COL20A1: variants seen among roughly 807,000 people sequenced by gnomAD.
COL20A1 encodes collagen alpha-1(XX) chain.
A neutral mutation model predicts 152.9 loss-of-function variants in COL20A1; 164 were observed. The ratio of observed to expected loss-of-function variants is 1.07; its 90% CI spans 0.94 to 1.22. The LOEUF is 1.22. COL20A1 is among the 50% of genes most tolerant of loss of function. COL20A1 has a pLI of 0.00. For synonymous variants in COL20A1, 864 were observed against 756.0 expected (o/e 1.14, Z -2.34); for missense variants, 1,873 against 1,744.8 (o/e 1.07, Z -1.31).
intron 2 of COL20A1, 37 bp downstream of exon 2, chr20:63,295,226 G>T: frequency 1.4e-6 from 2 of 1,433,078 alleles, no homozygotes; most frequent in Non-Finnish European, 1.9e-6. Flanking sequence ...CTTGCCCCGA[G>T]GCCACGCCTG....
At chr20:63,316,524 G>A (rs781439401) in intron 20 of COL20A1, 29 bp from the exon 21 acceptor site, 43 of 1,568,502 alleles carry the variant, frequency 2.7e-5, no homozygotes, top group Middle Eastern at 1.7e-4. Flanking sequence ...AGGGTCCCTC[G>A]GTGCCCCTTC....
intron 21 of COL20A1, among the ~76,000 whole-genome samples, chr20:63,317,049 A>G (rs1361446178): frequency 1.3e-5 from 2 of 152,188 alleles, no homozygotes; most frequent in Non-Finnish European, 2.9e-5. Context: ...GGAAGCGATC[A>G]CTCAAATAGC....
At position 63,313,368 on chromosome 20, in the gene COL20A1, C is replaced by A. The variant is rs1051388711; in HGVS notation, c.2209+119C>A. On this transcript the variant is annotated intron_variant, in intron 17 of 35. Coordinates refer to ENST00000358894, the MANE Select transcript of COL20A1 (RefSeq NM_020882.4). The surrounding 1 kb of genome is among the most constrained non-coding windows in gnomAD (Gnocchi z 5.9). ...ACTCCCAGAACTGCTGGCTCCAGAGCCCTGATCACTGGGCCTGGTCGTTGG... is the reference window on the plus strand; with the variant it reads ...ACTCCCAGAACTGCTGGCTCCAGAGACCTGATCACTGGGCCTGGTCGTTGG... The A allele has an allele frequency of 4.3e-5, 49 of 1,138,044 alleles. No individual in the cohort carries two copies. In the African/African-American group the frequency reaches 6.5e-4, roughly 15 times the overall value. The allele number at this position is 1,138,044 out of a possible 1,614,324, so 70.5% of individuals were successfully genotyped here.
chr20:63,312,511 G>A lies in COL20A1; in HGVS notation c.1895G>A (p.Gly632Glu), dbSNP rs781256956. ...YTVRVTCLYPGGGSSTLTGRV... is the reference protein window; with the variant it reads ...YTVRVTCLYPEGGSSTLTGRV... Reference sequence around the variant, plus strand: ...GTCCGTGTCACCTGCCTCTACCCTGGGGGTGGCTCCTCTACGCTGACTGGC... The same window carrying A: ...GTCCGTGTCACCTGCCTCTACCCTGAGGGTGGCTCCTCTACGCTGACTGGC... The change falls in exon 15 of 36, where the codon GGG (glycine) becomes GAG (glutamate). Residue 632 changes from glycine (G) to glutamate (E), a missense_variant. Physicochemically the swap from Gly to Glu is moderately conservative, Grantham distance 98. Coordinates refer to ENST00000358894, the MANE Select transcript of COL20A1 (RefSeq NM_020882.4). 1.0e-5 allele frequency: 16 copies of A among 1,607,800 alleles called. No individual in the cohort carries two copies. In the South Asian group the frequency reaches 1.4e-4, roughly 14 times the overall value.
At chr20:63,316,983 A>G (rs62208785) in intron 21 of COL20A1, among the ~76,000 whole-genome samples, 401 of 152,314 alleles carry the variant, frequency 2.6e-3, no homozygotes, top group Non-Finnish European at 4.8e-3. Context: ...TCAAACACGC[A>G]GGAGCCCCAG....
chr20:63,310,903 C>T (rs2067996395), intron 11 of COL20A1, among the ~76,000 whole-genome samples: 1 of 152,124 alleles, frequency 6.6e-6, no homozygotes, highest in Admixed American at 6.5e-5. Context: ...ACCATACAAC[C>T]TGCCCATTTA....
At position 63,306,879 on chromosome 20, in the gene COL20A1, C is replaced by T. The variant is rs1421101033; in HGVS notation, c.497-611C>T. The stretch of plus-strand genomic sequence containing the variant: ...CTCGGGTCCGCTGCTGTCCTCCCCT[C>T]AGGGTGCTGGGCTCTGCTGGGTCCC... On this transcript the variant is annotated intron_variant, in intron 5 of 35. Transcript: ENST00000358894. The surrounding 1 kb of genome is among the most constrained non-coding windows in gnomAD (Gnocchi z 6.9). Among the ~76,000 whole-genome samples the T allele has an allele frequency of 1.3e-5, 2 of 152,194 alleles. No individual in the cohort carries two copies. The highest frequency in any genetic ancestry group is 2.4e-5 in the African/African-American group (1 of 41,454).
In COL20A1 at chr20:63,305,171, C is replaced by T. The variant is rs1400589309; in HGVS notation, c.194-246C>T. Among the ~76,000 whole-genome samples, 1 of 152,082 alleles carries T rather than the reference C, an allele frequency of 6.6e-6. No homozygotes were observed. Among genetic ancestry groups the T allele is most frequent in the Non-Finnish European group, 1.5e-5 (1 of 68,018 alleles). The stretch of plus-strand genomic sequence containing the variant: ...GATGGCTTCTCACCTCACCATGCGG[C>T]GGATTCCTCTAGGGGGGTTTAGTAA... On this transcript the variant is annotated intron_variant, in intron 3 of 35. Transcript: ENST00000358894. The surrounding 1 kb of genome is among the most constrained non-coding windows in gnomAD (Gnocchi z 4.9).
In COL20A1 at chr20:63,311,554, G is replaced by C. The variant is rs193210053; in HGVS notation, c.1539+15G>C. On this transcript the variant is annotated intron_variant, in intron 12 of 35. Transcript: ENST00000358894. This position sits in a 1 kb window ranked among gnomAD's most constrained non-coding sequence, Gnocchi z 4.4. Reference sequence around the variant, plus strand: ...AGGAGCGAGAGGTGAGCTGGGCCGGGGGGTGGCGGGGGAGGCAGAGGAGTG... The same window carrying C: ...AGGAGCGAGAGGTGAGCTGGGCCGGCGGGTGGCGGGGGAGGCAGAGGAGTG... 6.6e-5 allele frequency: 106 copies of C among 1,603,620 alleles called. 3 individuals carry two copies. In the South Asian group the frequency reaches 8.3e-4, roughly 12 times the overall value.
rs946133783 is a variant in COL20A1, at chr20:63,333,034, C to G, written c.*2318C>G. 1 of 152,184 alleles carries G rather than the reference C, an allele frequency of 6.6e-6. No homozygotes were observed. Among genetic ancestry groups the G allele is most frequent in the Non-Finnish European group, 1.5e-5 (1 of 68,034 alleles). The allele number at this position is 152,184 out of a possible 1,614,324, so 9.4% of individuals were successfully genotyped here. On this transcript the variant is annotated 3_prime_UTR_variant, in exon 36 of 36. Coordinates refer to ENST00000358894, the MANE Select transcript of COL20A1 (RefSeq NM_020882.4). ...CATCCCTCTGGGTCCTTTTAGGAGC[C>G]CCCAGGGACTGAGCCGGGGCTCACG...
intron 14 of COL20A1, 89 bp from the exon 15 acceptor site, chr20:63,312,331 T>C: frequency 7.2e-7 from 1 of 1,385,234 alleles, no homozygotes; most frequent in Non-Finnish European, 9.5e-7. Context: ...GGGGTAGTCC[T>C]GGCTGCAGGT....
At chr20:63,309,991 A>G in intron 10 of COL20A1, 76 bp downstream of exon 10, 1 of 1,308,486 alleles carries the variant, frequency 7.6e-7, no homozygotes, top group Admixed American at 2.4e-5. Context: ...AAGGGAGGGC[A>G]GGAATAAAGG....
intron 8 of COL20A1, 131 bp from the exon 9 acceptor site, chr20:63,309,202 G>A (rs1281773811): frequency 1.9e-5 from 12 of 638,712 alleles, no homozygotes; most frequent in East Asian, 1.6e-4. Context: ...CAGCATGTGG[G>A]TGGCAGGTGG....
At chr20:63,315,142 G>A (rs918224238) in intron 19 of COL20A1, among the ~76,000 whole-genome samples, 1 of 152,232 alleles carries the variant, frequency 6.6e-6, no homozygotes, top group South Asian at 2.1e-4. Flanking sequence ...GGTACGACCC[G>A]GGGCCCACTG....
At chr20:63,303,792 C>T (rs148077185) in intron 3 of COL20A1, among the ~76,000 whole-genome samples, 1 of 151,750 alleles carries the variant, frequency 6.6e-6, no homozygotes, top group East Asian at 1.9e-4. Flanking sequence ...GGTGTGGGTT[C>T]CTCCCTCCCT....
Position 63,320,077 on chromosome 20 carries a change from T to C in COL20A1, c.2955T>C (p.Tyr985=). 1 of 1,555,610 alleles carries C rather than the reference T, an allele frequency of 6.4e-7. No individual in the cohort carries two copies. Among genetic ancestry groups the C allele is most frequent in the East Asian group, 2.4e-5 (1 of 41,192 alleles). ...VAVGRSKVRL[Y]VDCRKVAERP... is the part of the protein sequence containing the mutation. ...TGGGCCGCTCCAAGGTCAGGCTCTA[T>C]GTGGACTGCCGGAAGGTGGCTGAGC... Residue 985 remains tyrosine (Y), a synonymous_variant, in exon 24 of 36, where the codon TAT becomes TAC. Coordinates refer to ENST00000358894, the MANE Select transcript of COL20A1 (RefSeq NM_020882.4).
At chr20:63,307,449 A>T in intron 5 of COL20A1, 41 bp from the exon 6 acceptor site, 2 of 1,582,902 alleles carry the variant, frequency 1.3e-6, no homozygotes, top group Non-Finnish European at 1.7e-6. Context: ...TGGACCAGGG[A>T]TGGGCCTCAC....
Position 63,308,707 on chromosome 20 carries a change from G to A in COL20A1, c.940+1G>A, listed in dbSNP as rs1313525513. The A allele has an allele frequency of 6.9e-6, 11 of 1,594,842 alleles. No individual in the cohort carries two copies. In the East Asian group the frequency reaches 2.3e-4, roughly 33 times the overall value. On this transcript the variant is annotated splice_donor_variant, in intron 8 of 35. Transcript: ENST00000358894. LOFTEE classifies it high-confidence loss of function. ...CTGGGCGTGAACGTCTTCGCTGTGG[G>A]TGAGCACCATGCGGCTCCCCCGGCC...
At chr20:63,296,820 T>A (rs2123369689) in intron 2 of COL20A1, among the ~76,000 whole-genome samples, 1 of 152,114 alleles carries the variant, frequency 6.6e-6, no homozygotes, top group Non-Finnish European at 1.5e-5. Flanking sequence ...AATGGGTCAT[T>A]GTGTCTGCCC....
Sources: gnomAD v4.1 joint callset for allele counts (sites outside exome capture counted in the v4.1 genomes callset) on GRCh38, gnomAD v4.1.1 for gene constraint, Gnocchi (gnomAD v3.1) non-coding constraint, MANE v1.5 for transcripts, NCBI Gene and HGNC (gene_info 2026-07-23, HGNC 2026-07-21) for gene names.